Variants in PPME1 observed in about 807,000 individuals in gnomAD.
PPME1 encodes protein phosphatase methylesterase 1, also known as testicular secretory protein Li 39.
Under a neutral mutation model 56.9 loss-of-function variants are expected in PPME1, and 17 were observed. The observed-to-expected ratio is 0.30, with a 90% CI of 0.20 to 0.45. The LOEUF (loss-of-function observed/expected upper bound fraction) is 0.45, where lower values mean the gene tolerates loss of function less well. Among genes scored for constraint, PPME1 ranks in the 20% least tolerant of loss-of-function variants. The pLI, the probability that PPME1 is intolerant of heterozygous loss-of-function variation, is 1.00. For missense variants in PPME1, 357 were observed against 483.2 expected (o/e 0.74, Z 2.45); for synonymous variants, 122 against 156.2 (o/e 0.78, Z 1.63).
intron 1 of PPME1, among the ~76,000 whole-genome samples, chr11:74,195,688 T>G (rs535839040): frequency 6.6e-6 from 1 of 152,332 alleles, no homozygotes; most frequent in East Asian, 1.9e-4. Flanking sequence ...CAAATAATCT[T>G]CCCTGTTTCC....
Position 74,198,916 on chromosome 11 carries a change from A to G in PPME1, c.102-4812A>G, listed in dbSNP as rs145672445. 35 of 152,360 alleles carry G rather than the reference A, an allele frequency of 2.3e-4. No homozygotes were observed. In the East Asian group the frequency reaches 6.5e-3, roughly 29 times the overall value. 9.4% of individuals were successfully genotyped at this position (152,360 alleles called of 1,614,324 possible). On this transcript the variant is annotated intron_variant, in intron 1 of 13. Coordinates refer to ENST00000328257, the MANE Select transcript of PPME1 (RefSeq NM_016147.3). ...TGGGCCACTCCAAAAAATCACACAC[A>G]TACAAATAACCGGAAAAAGAACATA... is the stretch of plus-strand genomic sequence containing the variant.
chr11:74,231,146 C>T lies in PPME1; in HGVS notation c.644+144C>T, dbSNP rs539683762. The T allele has an allele frequency of 1.2e-4, 83 of 669,152 alleles. No individual in the cohort carries two copies. In the African/African-American group the frequency reaches 1.4e-3, roughly 11 times the overall value. The allele number at this position is 669,152 out of a possible 1,614,324, so 41.5% of individuals were successfully genotyped here. ...GATCCTAGCTCACTGCAACCTTGAA[C>T]TCCTAGGTTCAAGCAATCCTCCCAC... On this transcript the variant is annotated intron_variant, in intron 7 of 13. Coordinates refer to ENST00000328257, the MANE Select transcript of PPME1 (RefSeq NM_016147.3).
At chr11:74,240,471 G>T (rs1293538773) in intron 9 of PPME1, among the ~76,000 whole-genome samples, 1 of 152,174 alleles carries the variant, frequency 6.6e-6, no homozygotes, top group African/African-American at 2.4e-5. Flanking sequence ...ATGAACAGCA[G>T]ACTAGGGATG....
intron 3 of PPME1, among the ~76,000 whole-genome samples, chr11:74,206,450 A>C (rs1011236833): frequency 2.6e-5 from 4 of 152,226 alleles, no homozygotes; most frequent in African/African-American, 9.6e-5. Flanking sequence ...TCTAGAGAAG[A>C]GCAATCAAGA....
chr11:74,178,757 A>T (rs979295815), intron 1 of PPME1, among the ~76,000 whole-genome samples: 1 of 152,156 alleles, frequency 6.6e-6, no homozygotes, highest in African/African-American at 2.4e-5. Flanking sequence ...ATTGCCAGCA[A>T]ATCTATTTCT....
intron 3 of PPME1, among the ~76,000 whole-genome samples, chr11:74,218,871 A>C (rs1202212416): frequency 1.3e-5 from 2 of 152,208 alleles, no homozygotes; most frequent in Non-Finnish European, 2.9e-5. Context: ...AGGTAACCAA[A>C]GCAAAAATGG....
chr11:74,223,189 G>A (rs986188260), intron 4 of PPME1, among the ~76,000 whole-genome samples: 5 of 151,218 alleles, frequency 3.3e-5, no homozygotes, highest in South Asian at 4.2e-4. Flanking sequence ...GAGAATATGC[G>A]GTGTTTGGTT....
intron 3 of PPME1, chr11:74,205,528 A>T (rs1858305071): frequency 6.6e-6 from 1 of 152,270 alleles, no homozygotes; most frequent in African/African-American, 2.4e-5. Flanking sequence ...CTGGAGCCAG[A>T]TGGCTGTGGA....
intron 13 of PPME1, among the ~76,000 whole-genome samples, chr11:74,253,189 C>T (rs978126875): frequency 2.6e-5 from 4 of 152,086 alleles, no homozygotes; most frequent in Non-Finnish European, 2.9e-5. Context: ...GAAGCGACAC[C>T]CCTATGCTGA....
In PPME1 at chr11:74,247,636, A is replaced by G. The variant is rs541956580; in HGVS notation, c.1009+513A>G. On this transcript the variant is annotated intron_variant, in intron 11 of 13. Coordinates refer to ENST00000328257, the MANE Select transcript of PPME1 (RefSeq NM_016147.3). ...CCCAGTAGTGGGATTACAGGCATGC[A>G]CCACCACGCCCAGCTAATTTTTGTA... The G allele has an allele frequency of 3.2e-3, 481 of 152,372 alleles. 3 individuals are homozygous for G. In the Middle Eastern group the frequency reaches 0.034, roughly 11 times the overall value. The allele number at this position is 152,372 out of a possible 1,614,324, so 9.4% of individuals were successfully genotyped here.
At chr11:74,233,827 A>C (rs186170657) in intron 7 of PPME1, among the ~76,000 whole-genome samples, 2 of 152,182 alleles carry the variant, frequency 1.3e-5, no homozygotes. Context: ...GTCTCGAAAC[A>C]AAACAAAAAA....
chr11:74,187,411 C>A (rs751313827), intron 1 of PPME1, among the ~76,000 whole-genome samples: 1 of 152,072 alleles, frequency 6.6e-6, no homozygotes, highest in African/African-American at 2.4e-5. Context: ...TTTTTAATTT[C>A]TTCAACAGTA....
At chr11:74,243,555 A>G (rs1274503831) in intron 9 of PPME1, 1 of 152,090 alleles carries the variant, frequency 6.6e-6, no homozygotes, top group Non-Finnish European at 1.5e-5. Flanking sequence ...TGTTTCCTTT[A>G]AAGTGTCCTA....
chr11:74,196,365 C>T (rs1423324855), intron 1 of PPME1, among the ~76,000 whole-genome samples: 3 of 152,098 alleles, frequency 2.0e-5, no homozygotes, highest in South Asian at 2.1e-4. Context: ...TTTTACTTCT[C>T]AGAGTTTTAT....
At position 74,239,704 on chromosome 11, in the gene PPME1, G is replaced by C. The variant is rs569512546; in HGVS notation, c.834+448G>C. On this transcript the variant is annotated intron_variant, in intron 9 of 13. Coordinates refer to ENST00000328257, the MANE Select transcript of PPME1 (RefSeq NM_016147.3). ...CCATTCTCCTGCCTCAGCCTCCCAT[G>C]TAGCTGGGACTACAGGCGCCCGCCA... is the stretch of plus-strand genomic sequence containing the variant. 1.8e-3 allele frequency among the ~76,000 whole-genome samples: 266 copies of C among 151,190 alleles called. 1 individual carries two copies. Among genetic ancestry groups the C allele is most frequent in the African/African-American group, 6.4e-3 (264 of 41,194 alleles).
intron 1 of PPME1, among the ~76,000 whole-genome samples, chr11:74,190,029 G>C (rs1857792021): frequency 6.6e-6 from 1 of 152,166 alleles, no homozygotes; most frequent in Admixed American, 6.5e-5. Context: ...TTTGAGTGCT[G>C]ACATGACACA....
rs767443522 is a variant in PPME1 at position 74,204,474 on chromosome 11, A to G, written c.288+29A>G. ...AGTAGGTTGTTGATAGTACAAGTTA[A>G]TGTTAGCACTTTTGAACTAATGAAA... On this transcript the variant is annotated intron_variant, in intron 3 of 13. Transcript: ENST00000328257. The G allele has an allele frequency of 9.1e-6, 14 of 1,544,200 alleles. No individual in the cohort carries two copies. In the East Asian group the frequency reaches 2.3e-4, roughly 25 times the overall value.
At chr11:74,201,760 C>T (rs960032830) in intron 1 of PPME1, among the ~76,000 whole-genome samples, 2 of 152,160 alleles carry the variant, frequency 1.3e-5, no homozygotes. Flanking sequence ...TGTACTATTA[C>T]TATGATGATA....
intron 7 of PPME1, among the ~76,000 whole-genome samples, chr11:74,231,559 T>G (rs192195054): frequency 1.3e-3 from 193 of 152,342 alleles, no homozygotes; most frequent in African/African-American, 4.5e-3. Context: ...TTTAAAAATA[T>G]TTTAGATTTG....
Sources: allele counts gnomAD v4.1 joint callset (sites outside exome capture counted in the v4.1 genomes callset), GRCh38; gene constraint gnomAD v4.1.1; transcripts MANE v1.5; gene names NCBI Gene and HGNC (gene_info 2026-07-23, HGNC 2026-07-21).